DIP2B: variants seen among roughly 807,000 people sequenced by gnomAD.
The protein encoded by DIP2B is DIP2 acetate--CoA ligase B (putative).
In DIP2B, 76 loss-of-function variants were observed where a neutral mutation model predicts 198.0. That is an observed-to-expected ratio of 0.38 (90% CI 0.32 to 0.46). The LOEUF (loss-of-function observed/expected upper bound fraction) is 0.46. DIP2B is among the 20% of genes least tolerant of loss of function. DIP2B has a pLI of 0.99. For missense variants in DIP2B, 1,559 were observed against 1,978.4 expected (o/e 0.79, Z 4.02); for synonymous variants, 701 against 739.1 (o/e 0.95, Z 0.84).
intron 1 of DIP2B, among the ~76,000 whole-genome samples, chr12:50,624,630 C>A (rs537570747): frequency 6.6e-6 from 1 of 152,280 alleles, no homozygotes; most frequent in African/African-American, 2.4e-5. Flanking sequence ...CTGCACCTGG[C>A]CCCTATTTTC....
chr12:50,518,777 C>T (rs1958089375), intron 1 of DIP2B, among the ~76,000 whole-genome samples: 1 of 151,892 alleles, frequency 6.6e-6, no homozygotes, highest in African/African-American at 2.4e-5. Context: ...TTTTTTGAGA[C>T]AAGGTCTTGG....
At chr12:50,665,003 C>G (rs1191034736) in intron 4 of DIP2B, among the ~76,000 whole-genome samples, 1 of 151,808 alleles carries the variant, frequency 6.6e-6, no homozygotes, top group Non-Finnish European at 1.5e-5. Context: ...TGCATGCTGC[C>G]ACACCCGGCT....
chr12:50,538,611 T>C (rs1260407535), intron 1 of DIP2B, among the ~76,000 whole-genome samples: 2 of 151,124 alleles, frequency 1.3e-5, no homozygotes, highest in Non-Finnish European at 2.9e-5. Flanking sequence ...TCTTGTACTC[T>C]TTTCTTCCTG....
chr12:50,562,453 A>C (rs1228356375), intron 1 of DIP2B, among the ~76,000 whole-genome samples: 1 of 152,078 alleles, frequency 6.6e-6, no homozygotes, highest in Non-Finnish European at 1.5e-5. Flanking sequence ...AAAAAATTCT[A>C]GTCGGGCACG....
Position 50,699,169 on chromosome 12 carries a change from T to A in DIP2B, c.2292T>A (p.Phe764Leu), listed in dbSNP as rs1565875059. 1.2e-6 allele frequency: 2 copies of A among 1,614,228 alleles called. No homozygotes were observed. Among genetic ancestry groups the A allele is most frequent in the Non-Finnish European group, 1.7e-6 (2 of 1,180,032 alleles). The change falls in exon 19 of 38, where the codon TTT (phenylalanine) becomes TTA (leucine). Residue 764 changes from phenylalanine to leucine, a missense_variant. By Grantham distance (22) the Phe-to-Leu change is conservative. Transcript: ENST00000301180. The part of the protein sequence containing the change: ...VSSRTGGMMY[F>L]GLAGVTKNTF... Reference sequence around the variant, plus strand: ...CCAGAACTGGAGGCATGATGTACTTTGGGCTTGCTGGTGTGACAAAAAATA... The same window carrying A: ...CCAGAACTGGAGGCATGATGTACTTAGGGCTTGCTGGTGTGACAAAAAATA...
rs1592143232 is a variant in DIP2B at position 50,723,074 on chromosome 12, T to C, written c.3167-128T>C. Reference sequence around the variant, plus strand: ...ACTTTCAATATCTTCTGCTAGGGTCTTTGTTAAATTATGGTCTACAGAACC... The same window carrying C: ...ACTTTCAATATCTTCTGCTAGGGTCCTTGTTAAATTATGGTCTACAGAACC... On this transcript the variant is annotated intron_variant, in intron 26 of 37. Coordinates refer to ENST00000301180, the MANE Select transcript of DIP2B (RefSeq NM_173602.3). The C allele has an allele frequency of 3.6e-6, 4 of 1,120,768 alleles. No individual in the cohort carries two copies. In the South Asian group the frequency reaches 6.6e-5, roughly 18 times the overall value. 69.4% of individuals were successfully genotyped at this position (1,120,768 alleles called of 1,614,324 possible).
intron 1 of DIP2B, among the ~76,000 whole-genome samples, chr12:50,620,108 G>C (rs1937781926): frequency 6.6e-6 from 1 of 152,188 alleles, no homozygotes; most frequent in Admixed American, 6.5e-5. Flanking sequence ...TTTTGCCTCA[G>C]ATGTGGTTCT....
At chr12:50,717,183 G>T (rs1318653825) in intron 23 of DIP2B, among the ~76,000 whole-genome samples, 1 of 151,420 alleles carries the variant, frequency 6.6e-6, no homozygotes, top group African/African-American at 2.4e-5. Flanking sequence ...GTCCTCAAAT[G>T]ATCTGCCCCC....
chr12:50,525,604 C>A (rs1049911314), intron 1 of DIP2B, among the ~76,000 whole-genome samples: 4 of 151,474 alleles, frequency 2.6e-5, no homozygotes, highest in African/African-American at 9.7e-5. Flanking sequence ...CCTTGACCTC[C>A]CAGGCTCAAG....
At chr12:50,705,416 G>T (rs1230971226) in intron 20 of DIP2B, among the ~76,000 whole-genome samples, 1 of 152,136 alleles carries the variant, frequency 6.6e-6, no homozygotes, top group Non-Finnish European at 1.5e-5. Context: ...CATGATTGAT[G>T]TCCAAAATGG....
At chr12:50,623,417 ACACACACACACACACACACACTCTCTCT>A (rs1937856408) in intron 1 of DIP2B, among the ~76,000 whole-genome samples, 1 of 92,322 alleles carries the variant, frequency 1.1e-5, no homozygotes, top group African/African-American at 4.9e-5. Context: ...ACACACACAC[ACACACACACACACACACACACTCTCTCT>A]CTCTCTCTCT....
chr12:50,587,221 A>G (rs1046420756), intron 1 of DIP2B, among the ~76,000 whole-genome samples: 5 of 152,186 alleles, frequency 3.3e-5, no homozygotes, highest in Admixed American at 1.3e-4. Context: ...GTGTATAGTG[A>G]TAAAATCAGA....
At chr12:50,625,724 C>T (rs980811597) in intron 1 of DIP2B, among the ~76,000 whole-genome samples, 34 of 152,204 alleles carry the variant, frequency 2.2e-4, no homozygotes, top group African/African-American at 7.5e-4. Flanking sequence ...GGATCTCTGT[C>T]ATGGTATACA....
chr12:50,509,014 A>T (rs1352130887), intron 1 of DIP2B, among the ~76,000 whole-genome samples: 2 of 152,138 alleles, frequency 1.3e-5, no homozygotes, highest in East Asian at 3.8e-4. Flanking sequence ...ACAGTTCTAT[A>T]CCACAGTGTT....
Position 50,723,300 on chromosome 12 carries a change from C to G in DIP2B, c.3265C>G (p.Pro1089Ala). 6.2e-7 allele frequency: 1 copy of G among 1,614,158 alleles called. No homozygotes were observed. Among genetic ancestry groups the G allele is most frequent in the Non-Finnish European group, 8.5e-7 (1 of 1,180,028 alleles). ...TGCTCAGAACCTCACGGCCACGCTG[C>G]CCACTGTCCGAATGATTGTTGATGT... ...PHAQNLTATLPTVRMIVDVSK... is the reference protein window; with the variant it reads ...PHAQNLTATLATVRMIVDVSK... The change falls in exon 27 of 38, where the codon CCC (proline) becomes GCC (alanine). Residue 1089 changes from proline (P) to alanine (A), a missense_variant. Physicochemically the swap from Pro to Ala is conservative, Grantham distance 27. Coordinates refer to ENST00000301180, the MANE Select transcript of DIP2B (RefSeq NM_173602.3).
intron 1 of DIP2B, among the ~76,000 whole-genome samples, chr12:50,618,221 T>C (rs1362469893): frequency 6.6e-6 from 1 of 152,258 alleles, no homozygotes; most frequent in Non-Finnish European, 1.5e-5. Flanking sequence ...GGTGGTGTTA[T>C]ATAGTGCCAT....
At chr12:50,536,161 G>A (rs964870637) in intron 1 of DIP2B, among the ~76,000 whole-genome samples, 13 of 151,964 alleles carry the variant, frequency 8.6e-5, no homozygotes, top group African/African-American at 1.2e-4. Context: ...ATAAACATAC[G>A]TGTGCATGTG....
At chr12:50,696,572 C>T (rs908333413) in intron 16 of DIP2B, among the ~76,000 whole-genome samples, 1 of 152,194 alleles carries the variant, frequency 6.6e-6, no homozygotes, top group Non-Finnish European at 1.5e-5. Flanking sequence ...ATCCTTCACA[C>T]AGTAGAATCA....
At chr12:50,679,034 C>A in intron 8 of DIP2B, 158 bp downstream of exon 8, 1 of 806,548 alleles carries the variant, frequency 1.2e-6, no homozygotes, top group Non-Finnish European at 1.9e-6. Context: ...AAGCTATTGC[C>A]AAATATTTTC....
Sources: gnomAD v4.1 joint callset for allele counts (sites outside exome capture counted in the v4.1 genomes callset) on GRCh38, gnomAD v4.1.1 for gene constraint, MANE v1.5 for transcripts, NCBI Gene and HGNC (gene_info 2026-07-23, HGNC 2026-07-21) for gene names.